ADORA2B: variants seen among roughly 807,000 people sequenced by gnomAD.
ADORA2B encodes adenosine receptor A2b.
A neutral mutation model predicts 20.8 loss-of-function variants in ADORA2B; 18 were observed. The observed-to-expected ratio is 0.87, with a 90% CI of 0.60 to 1.29. ADORA2B has a LOEUF of 1.29. Among genes scored for constraint, ADORA2B ranks in the 50% most tolerant of loss-of-function variants. The pLI is 0.00. For synonymous variants in ADORA2B, 179 were observed against 178.3 expected (o/e 1.00, Z -0.03); for missense variants, 441 against 422.7 (o/e 1.04, Z -0.38).
chr17:15,910,646 C>A, the ADORA2B span, among the ~76,000 whole-genome samples: 4,545 of 152,260 alleles, frequency 0.03, 221 homozygotes, highest in African/African-American at 0.1. Context: ...TTTCCTTTAG[C>A]ACATCAGCTA....
chr17:15,885,803 T>G, the ADORA2B span, among the ~76,000 whole-genome samples: 1 of 152,016 alleles, frequency 6.6e-6, no homozygotes, highest in Non-Finnish European at 1.5e-5. Context: ...ACTAACTTAA[T>G]CTAGCCACTT....
At chr17:15,880,732 G>A in the ADORA2B span, among the ~76,000 whole-genome samples, 4 of 152,280 alleles carry the variant, frequency 2.6e-5, no homozygotes, top group East Asian at 5.8e-4. Context: ...TCACCAGCAC[G>A]CATGGGATCT....
At chr17:15,890,374 A>G in the ADORA2B span, among the ~76,000 whole-genome samples, 1 of 114,576 alleles carries the variant, frequency 8.7e-6, no homozygotes, top group African/African-American at 3.7e-5. Flanking sequence ...TATATTCTGG[A>G]TATTAGTCAT....
upstream of ADORA2B, among the ~76,000 whole-genome samples, chr17:15,944,576 T>C (rs945364248): frequency 3.3e-5 from 5 of 151,772 alleles, no homozygotes; most frequent in Non-Finnish European, 7.4e-5. The surrounding 1 kb of genome is among the most constrained non-coding windows in gnomAD (Gnocchi z 4.8). Context: ...CGGAGGGGGC[T>C]GCAGCCCCCG....
At chr17:15,951,913 CCAGAGGGCAGAGG>C (rs939562864) in intron 1 of ADORA2B, among the ~76,000 whole-genome samples, 9 of 152,178 alleles carry the variant, frequency 5.9e-5, no homozygotes, top group African/African-American at 1.9e-4. Context: ...GGAGCTGCTC[CCAGAGGGCAGAGG>C]CCTCCTCTGC....
the ADORA2B span, among the ~76,000 whole-genome samples, chr17:15,907,778 A>G: frequency 4.4e-4 from 67 of 152,364 alleles, no homozygotes; most frequent in African/African-American, 1.5e-3. Context: ...TTAGTAATTT[A>G]TCTTGAGGGA....
At chr17:15,938,213 AAAGG>A in the ADORA2B span, among the ~76,000 whole-genome samples, 4 of 151,920 alleles carry the variant, frequency 2.6e-5, no homozygotes, top group Admixed American at 6.6e-5. Context: ...AGGAAGTTAG[AAAGG>A]AAGGAAGGAA....
At chr17:15,940,661 T>A (rs1969735709), upstream of ADORA2B, among the ~76,000 whole-genome samples, 1 of 152,196 alleles carries the variant, frequency 6.6e-6, no homozygotes, top group Non-Finnish European at 1.5e-5. Context: ...CTTTATTTTA[T>A]AGAGCCCCAA....
the ADORA2B span, among the ~76,000 whole-genome samples, chr17:15,852,272 T>C: frequency 6.6e-6 from 1 of 152,232 alleles, no homozygotes; most frequent in Non-Finnish European, 1.5e-5. Flanking sequence ...AAGACCTTTC[T>C]AGCTATTAGA....
In ADORA2B at chr17:15,960,577, A is replaced by G. The variant is rs1177117274; in HGVS notation, c.336-14102A>G. Among the ~76,000 whole-genome samples, 7 of 97,678 alleles carry G rather than the reference A, an allele frequency of 7.2e-5. 2 individuals are homozygous for G. Among genetic ancestry groups the G allele is most frequent in the Non-Finnish European group, 2.1e-5 (1 of 46,986 alleles). 64.1% of individuals were successfully genotyped at this position (97,678 alleles called of 152,430 possible). On this transcript the variant is annotated intron_variant, in intron 1 of 1. Transcript: ENST00000304222. ...TCAAAAAAAAAAAAAAAAAAAAAAA[A>G]AAGGCACAAATTGGCCGGGCGCGGT...
chr17:15,930,497 TATTGGC>T, the ADORA2B span, among the ~76,000 whole-genome samples: 1 of 152,136 alleles, frequency 6.6e-6, no homozygotes, highest in African/African-American at 2.4e-5. Context: ...GGTTTCGCTG[TATTGGC>T]CAAGCTGGTC....
chr17:15,896,705 G>A, the ADORA2B span, among the ~76,000 whole-genome samples: 1 of 152,102 alleles, frequency 6.6e-6, no homozygotes, highest in Non-Finnish European at 1.5e-5. Context: ...TAATCTGTTG[G>A]CTTTTGTCCC....
the ADORA2B span, among the ~76,000 whole-genome samples, chr17:15,926,021 AT>A: frequency 6.6e-6 from 1 of 152,076 alleles, no homozygotes; most frequent in East Asian, 1.9e-4. Context: ...GGAATTCCTT[AT>A]TTTTTTCTCC....
chr17:15,928,317 G>A, the ADORA2B span, among the ~76,000 whole-genome samples: 1 of 152,130 alleles, frequency 6.6e-6, no homozygotes, highest in Non-Finnish European at 1.5e-5. Context: ...CATCGGAAAG[G>A]GATGTGGGAT....
At chr17:15,945,017 G>T (rs1159333362), upstream of ADORA2B, 1 of 305,022 alleles carries the variant, frequency 3.3e-6, no homozygotes, top group African/African-American at 2.2e-5. Context: ...CGAGTGGGTG[G>T]TGCTCCGCCC....
the ADORA2B span, among the ~76,000 whole-genome samples, chr17:15,857,907 G>A: frequency 6.7e-6 from 1 of 149,684 alleles, no homozygotes; most frequent in South Asian, 2.1e-4. Flanking sequence ...TTATGTTGTA[G>A]CATGAGACAG....
rs150328097 is a variant in ADORA2B, at chr17:15,957,688, G to A, written c.335+12105G>A. On this transcript the variant is annotated intron_variant, in intron 1 of 1. Coordinates refer to ENST00000304222, the MANE Select transcript of ADORA2B (RefSeq NM_000676.4). Reference sequence around the variant, plus strand: ...TCTGGGGCTGCTAGTTCTTCCACCTGGCTCTGGACCCAACTCCTGCTTTAT... The same window carrying A: ...TCTGGGGCTGCTAGTTCTTCCACCTAGCTCTGGACCCAACTCCTGCTTTAT... Among the ~76,000 whole-genome samples the A allele has an allele frequency of 1.0e-3, 155 of 152,234 alleles. 1 individual carries two copies. The East Asian group carries it at 0.012, about 12-fold the overall frequency.
At chr17:15,877,117 T>C in the ADORA2B span, among the ~76,000 whole-genome samples, 2 of 152,238 alleles carry the variant, frequency 1.3e-5, no homozygotes, top group Non-Finnish European at 2.9e-5. Context: ...TTCCATCATA[T>C]ATGTTTGCTA....
the ADORA2B span, among the ~76,000 whole-genome samples, chr17:15,883,132 A>G: frequency 1.3e-5 from 2 of 152,240 alleles, no homozygotes; most frequent in South Asian, 2.1e-4. Context: ...TTCTAAGGAT[A>G]AGAGGTTAAC....
Sources: allele counts gnomAD v4.1 joint callset (sites outside exome capture counted in the v4.1 genomes callset), GRCh38; gene constraint gnomAD v4.1.1; non-coding constraint Gnocchi (gnomAD v3.1); transcripts MANE v1.5; gene names NCBI Gene and HGNC (gene_info 2026-07-23, HGNC 2026-07-21).